The following CHD5 variants were observed in gnomAD, a reference collection of about 807,000 sequenced individuals.
CHD5 encodes ATP-dependent chromatin remodeler CHD5.
CHD5 carries 69 observed loss-of-function variants against 230.3 expected under a neutral mutation model. That is an observed-to-expected ratio of 0.30 (90% CI 0.25 to 0.37). CHD5 has a LOEUF of 0.37. Ranked by LOEUF, CHD5 falls within the 10% of genes least tolerant of loss-of-function variation. The pLI, the probability that CHD5 is intolerant of heterozygous loss-of-function variation, is 1.00. For missense variants in CHD5, 1,827 were observed against 2,622.8 expected, an observed-to-expected ratio of 0.70 and a Z score of 6.63; for synonymous variants, 1,064 against 1,065.9, an observed-to-expected ratio of 1.00 and a Z score of 0.03.
rs1274732117 is a variant in CHD5 at position 6,167,210 on chromosome 1, G to C, written c.207+940C>G. Among the ~76,000 whole-genome samples the C allele has an allele frequency of 6.6e-6, 1 of 151,820 alleles. No homozygotes were observed. The highest frequency in any genetic ancestry group is 2.4e-5 in the African/African-American group (1 of 41,076). On this transcript the variant is annotated intron_variant, in intron 2 of 41. Transcript: ENST00000262450. This position sits in a 1 kb window ranked among gnomAD's most constrained non-coding sequence, Gnocchi z 4.5. ...TCAGGTCCCCCCGGGGCAGGTGGGA[G>C]GGGAGAAACACTCCTGGCAGCGGTG...
chr1:6,130,363 G>C lies in CHD5; in HGVS notation c.3263-35C>G, dbSNP rs375045459. 347 of 1,608,176 alleles carry C rather than the reference G, an allele frequency of 2.2e-4. No individual in the cohort carries two copies. The highest frequency in any genetic ancestry group is 2.7e-4 in the Non-Finnish European group (314 of 1,177,192). On this transcript the variant is annotated intron_variant, in intron 21 of 41. Transcript: ENST00000262450. The surrounding 1 kb of genome is among the most constrained non-coding windows in gnomAD (Gnocchi z 4.9). The stretch of plus-strand genomic sequence containing the variant: ...AGAGGCCAGCAGATGGGAGTGTTTG[G>C]GGGGGTACACCTTGGGTGGGCAGAA...
Position 6,142,492 on chromosome 1 carries a change from A to C in CHD5, c.2157T>G (p.Thr719=). 6.2e-7 allele frequency: 1 copy of C among 1,614,076 alleles called. No homozygotes were observed. The highest frequency in any genetic ancestry group is 8.5e-7 in the Non-Finnish European group (1 of 1,179,974). ...NWLRFSWAQG[T]DTILADEMGL... ...CCATCTCATCGGCCAGGATGGTGTC[A>C]GTGCCCTGGGCCCAAGAGAAGCGCA... Residue 719 remains threonine, a synonymous_variant, in exon 14 of 42, where the codon ACT becomes ACG. Transcript: ENST00000262450. This position sits in a 1 kb window ranked among gnomAD's most constrained non-coding sequence, Gnocchi z 5.2.
In CHD5 at chr1:6,121,397, C is replaced by T. The variant is rs1416900755; in HGVS notation, c.4779+97G>A. On this transcript the variant is annotated intron_variant, in intron 32 of 41. Transcript: ENST00000262450. The surrounding 1 kb of genome is among the most constrained non-coding windows in gnomAD (Gnocchi z 4.5). ...GAGCCCCGAAAAGGGAGCCAGGAGG[C>T]CTGGGTTCCACCTCGCTGTACAGGG... 10 of 1,480,600 alleles carry T rather than the reference C, an allele frequency of 6.8e-6. No homozygotes were observed. The highest frequency in any genetic ancestry group is 8.4e-6 in the Non-Finnish European group (9 of 1,073,086). 91.7% of individuals were successfully genotyped at this position (1,480,600 alleles called of 1,614,324 possible).
intron 15 of CHD5, among the ~76,000 whole-genome samples, chr1:6,141,130 A>T (rs977674469): frequency 1.9e-4 from 29 of 150,994 alleles, no homozygotes; most frequent in Admixed American, 5.9e-4. Context: ...CCAAAATACA[A>T]AAAATTCGCT....
chr1:6,134,364 T>A lies in CHD5; in HGVS notation c.3013-105A>T. The A allele has an allele frequency of 7.4e-7, 1 of 1,343,182 alleles. No individual in the cohort carries two copies. The highest frequency in any genetic ancestry group is 1.0e-6 in the Non-Finnish European group (1 of 968,860). 83.2% of individuals were successfully genotyped at this position (1,343,182 alleles called of 1,614,324 possible). ...AGACAAGTGCTGAGCAATGGGGTGA[T>A]GGCCTGTCTGCCCACTGAACATGAG... On this transcript the variant is annotated intron_variant, in intron 19 of 41. Transcript: ENST00000262450. The surrounding 1 kb of genome is among the most constrained non-coding windows in gnomAD (Gnocchi z 6.3).
intron 1 of CHD5, among the ~76,000 whole-genome samples, chr1:6,177,389 A>G (rs928302550): frequency 2.6e-5 from 4 of 152,312 alleles, no homozygotes; most frequent in Non-Finnish European, 5.9e-5. Context: ...GCCCTCAGAC[A>G]CTGAAACCAC....
At chr1:6,137,287 T>C (rs1666761002) in intron 15 of CHD5, among the ~76,000 whole-genome samples, 1 of 152,102 alleles carries the variant, frequency 6.6e-6, no homozygotes, top group African/African-American at 2.4e-5. Context: ...TTTGTATTTT[T>C]GTAGAGACAG....
chr1:6,136,014 T>C (rs558006369), intron 17 of CHD5, among the ~76,000 whole-genome samples: 10 of 119,442 alleles, frequency 8.4e-5, no homozygotes, highest in Non-Finnish European at 1.4e-4. Flanking sequence ...TTTCTTTTAA[T>C]AAAAAAAAAC....
intron 1 of CHD5, among the ~76,000 whole-genome samples, chr1:6,179,707 G>A (rs1667483464): frequency 6.8e-6 from 1 of 146,342 alleles, no homozygotes; most frequent in African/African-American, 2.5e-5. Context: ...TCGCCGCCCG[G>A]GGGGCCCGGA....
intron 7 of CHD5, 123 bp from the exon 8 acceptor site, chr1:6,149,535 G>T: frequency 1.1e-6 from 1 of 940,936 alleles, no homozygotes; most frequent in Non-Finnish European, 1.5e-6. Context: ...TGGAAAGGTG[G>T]GTGGGTGAAT....
intron 2 of CHD5, among the ~76,000 whole-genome samples, chr1:6,163,695 C>T (rs1238940201): frequency 6.6e-6 from 1 of 152,176 alleles, no homozygotes; most frequent in African/African-American, 2.4e-5. Flanking sequence ...TATCTCAAAA[C>T]ATACTGAGAG....
At chr1:6,113,336 G>T (rs1039552792) in intron 33 of CHD5, 6 of 444,780 alleles carry the variant, frequency 1.3e-5, no homozygotes, top group Non-Finnish European at 2.2e-5. Context: ...AGGTGGGAGG[G>T]TCGCTTGAGC....
rs1284237035 is a variant in CHD5 at position 6,109,835 on chromosome 1, G to C, written c.5538C>G (p.Ser1846=). ...AESHQHLSKE[S]LAGNKPANAV... ...CATTGGCAGGCTTGTTCCCAGCAAG[G>C]GACTCCTTGGACAGGTGCTGGTGGC... Residue 1846 remains serine (S), a synonymous_variant, in exon 38 of 42, where the codon TCC becomes TCG. Coordinates refer to ENST00000262450, the MANE Select transcript of CHD5 (RefSeq NM_015557.3). 11 of 1,612,870 alleles carry C rather than the reference G, an allele frequency of 6.8e-6. No individual in the cohort carries two copies. Among genetic ancestry groups the C allele is most frequent in the East Asian group, 2.2e-5 (1 of 44,874 alleles).
In CHD5 at chr1:6,121,413, C is replaced by T. The variant is rs111729516; in HGVS notation, c.4779+81G>A. The T allele has an allele frequency of 2.7e-6, 4 of 1,486,410 alleles. No homozygotes were observed. Among genetic ancestry groups the T allele is most frequent in the African/African-American group, 1.4e-5 (1 of 72,408 alleles). 92.1% of individuals were successfully genotyped at this position (1,486,410 alleles called of 1,614,324 possible). On this transcript the variant is annotated intron_variant, in intron 32 of 41. Coordinates refer to ENST00000262450, the MANE Select transcript of CHD5 (RefSeq NM_015557.3). This position sits in a 1 kb window ranked among gnomAD's most constrained non-coding sequence, Gnocchi z 4.5. ...GCCAGGAGGCCTGGGTTCCACCTCGCTGTACAGGGCCTGAGAAGGTCCCCA... is the reference window on the plus strand; with the variant it reads ...GCCAGGAGGCCTGGGTTCCACCTCGTTGTACAGGGCCTGAGAAGGTCCCCA...
chr1:6,168,277 T>G lies in CHD5; in HGVS notation c.80A>C (p.Glu27Ala), dbSNP rs1418326777. 6.3e-7 allele frequency: 1 copy of G among 1,590,104 alleles called. No individual in the cohort carries two copies. Among genetic ancestry groups the G allele is most frequent in the Non-Finnish European group, 8.6e-7 (1 of 1,162,012 alleles). The part of the protein sequence containing the change: ...EEMENEDEMS[E>A]EEDGGLEAFD... The stretch of plus-strand genomic sequence containing the variant: ...GGCTTCAAGACCACCATCTTCTTCT[T>G]CTGGAAAAATCAGAAGGTGGCAGCA... The change falls in exon 2 of 42, where the codon GAA becomes GCA. Residue 27 changes from glutamate to alanine, a missense_variant and splice_region_variant. Transcript: ENST00000262450.
chr1:6,122,428 A>C (rs1666486368), intron 31 of CHD5, among the ~76,000 whole-genome samples: 1 of 152,244 alleles, frequency 6.6e-6, no homozygotes, highest in African/African-American at 2.4e-5. Context: ...GCCAATCAGA[A>C]CCACAGTGAG....
At chr1:6,138,723 T>A (rs1666782467) in intron 15 of CHD5, among the ~76,000 whole-genome samples, 1 of 152,154 alleles carries the variant, frequency 6.6e-6, no homozygotes, top group African/African-American at 2.4e-5. Flanking sequence ...AAATCAGAAA[T>A]AGAATTACCA....
chr1:6,111,681 G>A lies in CHD5; in HGVS notation c.5249+94C>T, dbSNP rs576226743. The stretch of plus-strand genomic sequence containing the variant: ...GAAGTGAGGAAGATTGAGGAAGAAC[G>A]AGGAAGGCTTCCCCCGGAGCTCTCA... On this transcript the variant is annotated intron_variant, in intron 36 of 41. Coordinates refer to ENST00000262450, the MANE Select transcript of CHD5 (RefSeq NM_015557.3). 1.2e-3 allele frequency: 1,105 copies of A among 952,990 alleles called. 7 individuals carry two copies. Among genetic ancestry groups the A allele is most frequent in the Middle Eastern group, 9.9e-3 (35 of 3,534 alleles). The allele number at this position is 952,990 out of a possible 1,614,324, so 59.0% of individuals were successfully genotyped here.
intron 5 of CHD5, among the ~76,000 whole-genome samples, chr1:6,153,680 A>G (rs532086980): frequency 2.0e-5 from 3 of 152,132 alleles, no homozygotes; most frequent in Non-Finnish European, 4.4e-5. Flanking sequence ...AAATACAAAA[A>G]ATTAGCCAGG....
Sources: gnomAD v4.1 joint callset for allele counts (sites outside exome capture counted in the v4.1 genomes callset) on GRCh38, gnomAD v4.1.1 for gene constraint, Gnocchi (gnomAD v3.1) non-coding constraint, MANE v1.5 for transcripts, NCBI Gene and HGNC (gene_info 2026-07-23, HGNC 2026-07-21) for gene names.